Variants in DLC1 observed in about 807,000 individuals in gnomAD.
DLC1 encodes the protein DLC1 Rho GTPase activating protein, also known as rho GTPase-activating protein 7.
A neutral mutation model predicts 140.3 loss-of-function variants in DLC1; 54 were observed. The observed-to-expected ratio is 0.38, with a 90% CI of 0.31 to 0.48. The LOEUF (loss-of-function observed/expected upper bound fraction) is 0.48. Ranked by LOEUF, DLC1 falls within the 20% of genes least tolerant of loss-of-function variation. The pLI is 0.96. For missense variants in DLC1, 2,536 were observed against 1,907.0 expected (o/e 1.33, Z -6.14); for synonymous variants, 986 against 728.1 (o/e 1.35, Z -5.70).
rs1049027050 is a variant in DLC1, at chr8:13,324,083, C to T, written c.1315-18781G>A. ...TAGTTAATACAGTGTCTGACAAATC[C>T]GACTGATTTTTTTTGAGTCTTGCAT... On this transcript the variant is annotated intron_variant, in intron 4 of 17. Coordinates refer to ENST00000276297, the MANE Select transcript of DLC1 (RefSeq NM_182643.3). Among the ~76,000 whole-genome samples, 12 of 152,150 alleles carry T rather than the reference C, an allele frequency of 7.9e-5. 1 individual carries two copies. Among genetic ancestry groups the T allele is most frequent in the Admixed American group, 2.6e-4 (4 of 15,286 alleles).
At chr8:13,328,826 A>G (rs13251274) in intron 4 of DLC1, among the ~76,000 whole-genome samples, 1 of 152,180 alleles carries the variant, frequency 6.6e-6, no homozygotes, top group East Asian at 1.9e-4. Flanking sequence ...AAGCGGAAGG[A>G]ACAGACTCTT....
chr8:13,516,781 T>A (rs1156780897), upstream of DLC1, among the ~76,000 whole-genome samples: 1 of 152,210 alleles, frequency 6.6e-6, no homozygotes, highest in East Asian at 1.9e-4. Context: ...CTACTGACAG[T>A]ATGCCTATTT....
Position 13,499,173 on chromosome 8 carries a change from G to A in DLC1, c.899C>T (p.Ser300Leu), listed in dbSNP as rs939520132. The change falls in exon 2 of 18, where the codon TCA (serine) becomes TTA (leucine). Residue 300 changes from serine to leucine, a missense_variant. Physicochemically the swap from Ser to Leu is moderately radical, Grantham distance 145 (BLOSUM62 -2). Coordinates refer to ENST00000276297, the MANE Select transcript of DLC1 (RefSeq NM_182643.3). ...TGGTGGACTTTTGTTTTGATGTTGT[G>A]AAAAACCACTCTTCTCCAGGCCATT... ...AENGLEKSGF[S>L]QHQNKSPPKV... 1.2e-6 allele frequency: 2 copies of A among 1,613,970 alleles called. No homozygotes were observed.
At chr8:13,393,461 A>G in intron 4 of DLC1, 92 bp downstream of exon 4, 2 of 1,339,220 alleles carry the variant, frequency 1.5e-6, no homozygotes, top group East Asian at 2.4e-5. Context: ...AGATTCCAAC[A>G]GTATTTCTTC....
At chr8:13,295,957 T>G (rs1217036594) in intron 5 of DLC1, among the ~76,000 whole-genome samples, 1 of 130,284 alleles carries the variant, frequency 7.7e-6, no homozygotes, top group African/African-American at 2.9e-5. Context: ...TTTTTTTTTT[T>G]TTTTTTTTTT....
intron 15 of DLC1, among the ~76,000 whole-genome samples, chr8:13,089,574 G>A (rs1286433076): frequency 5.3e-5 from 8 of 152,116 alleles, no homozygotes; most frequent in Non-Finnish European, 1.0e-4. Flanking sequence ...GCAGTGAGCC[G>A]AGATCATGCC....
intron 3 of DLC1, 82 bp from the exon 4 acceptor site, chr8:13,393,775 C>T: frequency 6.7e-7 from 1 of 1,501,492 alleles, no homozygotes; most frequent in Non-Finnish European, 9.0e-7. Context: ...AACTTTGTCA[C>T]TTCTTCTTTC....
At chr8:13,287,339 C>T (rs1014983273) in intron 5 of DLC1, among the ~76,000 whole-genome samples, 50 of 152,062 alleles carry the variant, frequency 3.3e-4, no homozygotes, top group Non-Finnish European at 3.4e-4. Context: ...TTGAATCTAA[C>T]GATAAAAAAA....
intron 1 of DLC1, among the ~76,000 whole-genome samples, chr8:13,560,974 A>T (rs1035949164): frequency 6.6e-5 from 10 of 152,140 alleles, no homozygotes; most frequent in East Asian, 3.9e-4. Flanking sequence ...TTATATATAT[A>T]TTTTTTAATT....
intron 17 of DLC1, 175 bp from the exon 18 acceptor site, chr8:13,086,106 A>G: frequency 7.4e-7 from 1 of 1,343,212 alleles, no homozygotes; most frequent in Non-Finnish European, 9.9e-7. Context: ...TTTCTAAGGG[A>G]ACCAAATTAC....
chr8:13,181,481 C>A lies in DLC1; in HGVS notation c.1349-65824G>T, dbSNP rs192523361. Among the ~76,000 whole-genome samples, 249 of 150,486 alleles carry A rather than the reference C, an allele frequency of 1.7e-3. 2 individuals carry two copies. The highest frequency in any genetic ancestry group is 5.2e-3 in the African/African-American group (214 of 40,958). On this transcript the variant is annotated intron_variant, in intron 5 of 17. Transcript: ENST00000276297. The stretch of plus-strand genomic sequence containing the variant: ...AGGTATTTCTCCTAATGCTATCCCT[C>A]CCCCAGCCCCCCACCCCATGTCCGG...
At chr8:13,127,363 G>A (rs1218664765) in intron 5 of DLC1, among the ~76,000 whole-genome samples, 3 of 152,134 alleles carry the variant, frequency 2.0e-5, no homozygotes, top group African/African-American at 4.8e-5. Context: ...CATCTCAGCC[G>A]CCCCTCAGTC....
chr8:13,379,903 C>T (rs144490878), intron 4 of DLC1, among the ~76,000 whole-genome samples: 13 of 152,234 alleles, frequency 8.5e-5, no homozygotes, highest in South Asian at 4.1e-4. Context: ...GAACAGAAAA[C>T]GAAACACCGC....
At chr8:13,414,671 A>G (rs1837961638) in intron 2 of DLC1, among the ~76,000 whole-genome samples, 1 of 152,254 alleles carries the variant, frequency 6.6e-6, no homozygotes, top group African/African-American at 2.4e-5. Flanking sequence ...GAGACTTCGT[A>G]AGTGAGCACA....
intron 5 of DLC1, among the ~76,000 whole-genome samples, chr8:13,283,461 G>A (rs1443208584): frequency 6.6e-6 from 1 of 152,152 alleles, no homozygotes; most frequent in Non-Finnish European, 1.5e-5. Context: ...GGGCAATTTT[G>A]GGGCCACAGA....
At chr8:13,210,823 T>A (rs1017832904) in intron 5 of DLC1, among the ~76,000 whole-genome samples, 3 of 152,220 alleles carry the variant, frequency 2.0e-5, no homozygotes, top group Non-Finnish European at 4.4e-5. Context: ...ATACAGCATT[T>A]GCTATTCTTG....
chr8:13,271,495 T>G (rs528379264), intron 5 of DLC1, among the ~76,000 whole-genome samples: 1 of 152,344 alleles, frequency 6.6e-6, no homozygotes, highest in East Asian at 1.9e-4. Context: ...TGTAAAAATC[T>G]ATTTTGCAAA....
chr8:13,268,363 G>A (rs1830775816), intron 5 of DLC1, among the ~76,000 whole-genome samples: 2 of 152,012 alleles, frequency 1.3e-5, no homozygotes, highest in East Asian at 1.9e-4. Flanking sequence ...TGTCCAGGTT[G>A]GAGTGCAGTG....
chr8:13,536,851 C>T (rs577661886), intron 1 of DLC1, among the ~76,000 whole-genome samples: 1 of 152,218 alleles, frequency 6.6e-6, no homozygotes, highest in South Asian at 2.1e-4. Flanking sequence ...TATGAAGTAC[C>T]AGGCCATCTG....
Sources: gnomAD v4.1 joint callset for allele counts (sites outside exome capture counted in the v4.1 genomes callset) on GRCh38, gnomAD v4.1.1 for gene constraint, MANE v1.5 for transcripts, NCBI Gene and HGNC (gene_info 2026-07-23, HGNC 2026-07-21) for gene names.